Variants in RNF17 observed in about 807,000 individuals in gnomAD.
The protein encoded by RNF17 is ring finger protein 17.
A neutral mutation model predicts 200.5 loss-of-function variants in RNF17; 31 were observed. The observed-to-expected ratio is 0.15, with a 90% CI of 0.12 to 0.21. RNF17 has a LOEUF of 0.21. Ranked by LOEUF, RNF17 falls within the 10% of genes least tolerant of loss-of-function variation. The pLI, the probability that RNF17 is intolerant of heterozygous loss-of-function variation, is 1.00. For missense variants in RNF17, 1,628 were observed against 1,905.1 expected (o/e 0.85, Z 2.71); for synonymous variants, 606 against 637.8 (o/e 0.95, Z 0.75).
chr13:24,818,786 G>A (rs966122315), intron 15 of RNF17, among the ~76,000 whole-genome samples: 1 of 151,862 alleles, frequency 6.6e-6, no homozygotes, highest in Non-Finnish European at 1.5e-5. Flanking sequence ...GGTATAAAGT[G>A]TATCTCTTGT....
chr13:24,774,755 C>A, intron 2 of RNF17, 58 bp from the exon 3 acceptor site: 1 of 1,017,110 alleles, frequency 9.8e-7, no homozygotes, highest in Non-Finnish European at 1.5e-6. Context: ...TGTTTAGGTT[C>A]TGGATAGGCA....
chr13:24,770,795 C>G (rs1442218791), intron 2 of RNF17, among the ~76,000 whole-genome samples: 2 of 152,108 alleles, frequency 1.3e-5, no homozygotes, highest in African/African-American at 2.4e-5. Context: ...TGAAAATAAG[C>G]ACTATAATTT....
chr13:24,851,709 A>G, intron 24 of RNF17, 138 bp downstream of exon 24: 1 of 587,894 alleles, frequency 1.7e-6, no homozygotes, highest in East Asian at 3.0e-5. Context: ...CTGAGGAGCC[A>G]GCTCAGAAAT....
chr13:24,828,083 A>C (rs2137994353), intron 16 of RNF17, among the ~76,000 whole-genome samples: 1 of 152,336 alleles, frequency 6.6e-6, no homozygotes, highest in Admixed American at 6.5e-5. Context: ...ATATCTTTGG[A>C]GCAAACAAAA....
chr13:24,871,848 G>A (rs898974224), intron 32 of RNF17, among the ~76,000 whole-genome samples: 13 of 151,866 alleles, frequency 8.6e-5, no homozygotes, highest in Non-Finnish European at 1.9e-4. Flanking sequence ...GGCCGGTCTG[G>A]TCTCGAATTC....
At chr13:24,881,140 G>T (rs981519215), downstream of RNF17, among the ~76,000 whole-genome samples, 1 of 151,380 alleles carries the variant, frequency 6.6e-6, no homozygotes. Flanking sequence ...AGAAATGTTC[G>T]TTCATTTATC....
chr13:24,858,224 C>T lies in RNF17; in HGVS notation c.3611-777C>T, dbSNP rs573517561. 6.6e-5 allele frequency among the ~76,000 whole-genome samples: 10 copies of T among 152,112 alleles called. No homozygotes were observed. The South Asian group carries it at 1.0e-3, about 16-fold the overall frequency. ...TTTTTAATTTGAAAGACAATAAAAT[C>T]GGTACAATTGGCCGTTCTAGAAAAA... On this transcript the variant is annotated intron_variant, in intron 25 of 35. Transcript: ENST00000255324.
intron 34 of RNF17, among the ~76,000 whole-genome samples, chr13:24,878,302 C>T (rs2138488941): frequency 6.6e-6 from 1 of 152,198 alleles, no homozygotes; most frequent in South Asian, 2.1e-4. Flanking sequence ...TTCTCTCAAC[C>T]CAGTGAAAAA....
chr13:24,792,931 C>A, intron 9 of RNF17, 111 bp from the exon 10 acceptor site: 1 of 721,108 alleles, frequency 1.4e-6, no homozygotes, highest in South Asian at 2.1e-5. Context: ...ATTGAATAAT[C>A]ATGCCCAAAA....
rs74042523 is a variant in RNF17, at chr13:24,863,595, A to G, written c.3975+802A>G. ...GAAAGTATTTCTGTATTAAAGGATGATGATAGAGTGATAAAAACCTAAAGG... is the reference window on the plus strand; with the variant it reads ...GAAAGTATTTCTGTATTAAAGGATGGTGATAGAGTGATAAAAACCTAAAGG... On this transcript the variant is annotated intron_variant, in intron 28 of 35. Coordinates refer to ENST00000255324, the MANE Select transcript of RNF17 (RefSeq NM_031277.3). Among the ~76,000 whole-genome samples, 718 of 152,284 alleles carry G rather than the reference A, an allele frequency of 4.7e-3. 8 individuals carry two copies. Among genetic ancestry groups the G allele is most frequent in the African/African-American group, 0.016 (680 of 41,554 alleles).
At chr13:24,788,266 T>C in intron 7 of RNF17, 107 bp downstream of exon 7, 4 of 752,348 alleles carry the variant, frequency 5.3e-6, no homozygotes, top group Non-Finnish European at 8.2e-6. Flanking sequence ...CTAACCTATA[T>C]TATTATTTAG....
At chr13:24,810,633 CCATTTA>C (rs1457313754) in intron 15 of RNF17, among the ~76,000 whole-genome samples, 2 of 146,664 alleles carry the variant, frequency 1.4e-5, no homozygotes, top group Non-Finnish European at 1.5e-5. Flanking sequence ...AGCACTTAGT[CCATTTA>C]CATTTAAAGT....
chr13:24,779,015 C>T (rs1881983758), intron 4 of RNF17, among the ~76,000 whole-genome samples: 1 of 152,074 alleles, frequency 6.6e-6, no homozygotes, highest in Non-Finnish European at 1.5e-5. Context: ...ATGGCGAAAC[C>T]CCATCTCTAC....
At chr13:24,884,495 A>G, downstream of RNF17, 2 of 1,612,520 alleles carry the variant, frequency 1.2e-6, no homozygotes, top group South Asian at 1.1e-5. Context: ...ATCACCTAAG[A>G]TTTTCTCCTG....
At chr13:24,885,318 TTCC>T in the RNF17 span, 8 of 1,613,874 alleles carry the variant, frequency 5.0e-6, no homozygotes, top group Middle Eastern at 1.6e-4. Flanking sequence ...TGTCTTGGTC[TTCC>T]TCCTCCTCTT....
chr13:24,759,904 G>A (rs1878555697), upstream of RNF17, among the ~76,000 whole-genome samples: 1 of 152,176 alleles, frequency 6.6e-6, no homozygotes, highest in Non-Finnish European at 1.5e-5. Context: ...ACTTTGGGAG[G>A]ATGAGGCGGG....
At chr13:24,823,725 C>CAT (rs1423417954) in intron 15 of RNF17, among the ~76,000 whole-genome samples, 1 of 152,128 alleles carries the variant, frequency 6.6e-6, no homozygotes, top group East Asian at 1.9e-4. Context: ...TAAACTCTAC[C>CAT]ATATATATGA....
At chr13:24,884,605 T>C, downstream of RNF17, 2 of 804,244 alleles carry the variant, frequency 2.5e-6, no homozygotes, top group Non-Finnish European at 4.2e-6. Context: ...TCGTGAGGAG[T>C]AGCAAACTCG....
chr13:24,871,512 A>AT (rs1894245407), intron 32 of RNF17, among the ~76,000 whole-genome samples: 1 of 151,412 alleles, frequency 6.6e-6, no homozygotes, highest in South Asian at 2.1e-4. Context: ...CAATTTTTGT[A>AT]TTTTTAGTAG....
Sources: gnomAD v4.1 joint callset for allele counts (sites outside exome capture counted in the v4.1 genomes callset) on GRCh38, gnomAD v4.1.1 for gene constraint, MANE v1.5 for transcripts, NCBI Gene and HGNC (gene_info 2026-07-23, HGNC 2026-07-21) for gene names.